ZNF492: variants seen among roughly 807,000 people sequenced by gnomAD.
ZNF492 encodes zinc finger protein 115 (Y20).
ZNF492 carries 3 observed loss-of-function variants against 6.4 expected under a neutral mutation model. The observed-to-expected ratio is 0.47, with a 90% CI of 0.21 to 1.22. The LOEUF (loss-of-function observed/expected upper bound fraction) is 1.22. Ranked by LOEUF, ZNF492 falls within the 50% of genes most tolerant of loss-of-function variation. ZNF492 has a pLI of 0.22. For missense variants in ZNF492, 356 were observed against 612.5 expected (o/e 0.58, Z 4.42); for synonymous variants, 112 against 205.3 (o/e 0.55, Z 3.89).
intron 3 of ZNF492, among the ~76,000 whole-genome samples, chr19:22,660,928 T>TCCCC (rs752853908): frequency 6.7e-6 from 1 of 149,778 alleles, no homozygotes; most frequent in East Asian, 2.0e-4. Context: ...TTTTTTTTTT[T>TCCCC]CCCCTCAGGA....
chr19:22,645,441 T>C (rs1897601), intron 1 of ZNF492, among the ~76,000 whole-genome samples: 12,344 of 152,194 alleles, frequency 0.081, 1,623 homozygotes, highest in African/African-American at 0.28. Context: ...GATGGGTAGA[T>C]TGTAAAATTT....
chr19:22,645,594 C>T (rs868004005), intron 1 of ZNF492, among the ~76,000 whole-genome samples: 5 of 152,056 alleles, frequency 3.3e-5, no homozygotes, highest in Admixed American at 6.6e-5. Flanking sequence ...AAGTCTTTGC[C>T]GATGCCTATG....
intron 3 of ZNF492, among the ~76,000 whole-genome samples, chr19:22,659,577 C>G (rs140940319): frequency 0.011 from 1,668 of 150,310 alleles, 18 homozygotes; most frequent in Non-Finnish European, 0.019. Context: ...CACACACACA[C>G]ACACACACAC....
chr19:22,648,380 T>C (rs1971905559), intron 1 of ZNF492, among the ~76,000 whole-genome samples: 1 of 152,198 alleles, frequency 6.6e-6, no homozygotes, highest in South Asian at 2.1e-4. Context: ...TGTGGTTGAT[T>C]TTAGAAAAGT....
intron 1 of ZNF492, among the ~76,000 whole-genome samples, chr19:22,650,393 G>A (rs1415058739): frequency 6.6e-6 from 1 of 151,610 alleles, no homozygotes; most frequent in Non-Finnish European, 1.5e-5. Context: ...TCACCCAGTT[G>A]GGTGGCATGA....
At chr19:22,656,885 C>T (rs1972002027) in intron 3 of ZNF492, among the ~76,000 whole-genome samples, 2 of 152,120 alleles carry the variant, frequency 1.3e-5, no homozygotes, top group Non-Finnish European at 2.9e-5. Flanking sequence ...GTTCTTGCTA[C>T]ATAACCCAGG....
rs1391741842 is a variant in ZNF492, at chr19:22,664,898, C to T, written c.1229C>T (p.Thr410Ile). Residue 410 changes from threonine to isoleucine, a missense_variant, in exon 4 of 4, where the codon ACA becomes ATA. Physicochemically the swap from Thr to Ile is moderately conservative, Grantham distance 89 (BLOSUM62 -1). Transcript: ENST00000456783. ...KAFNLSSQLTTHKIIHTGEKP... is the reference protein window; with the variant it reads ...KAFNLSSQLTIHKIIHTGEKP... The stretch of plus-strand genomic sequence containing the variant: ...TTTAACCTATCGTCACAACTTACTA[C>T]ACATAAGATAATTCATACTGGAGAG... 6 of 1,609,768 alleles carry T rather than the reference C, an allele frequency of 3.7e-6. No homozygotes were observed. The highest frequency in any genetic ancestry group is 3.4e-5 in the Admixed American group (2 of 59,570).
chr19:22,653,117 ACT>A (rs1300287983), intron 1 of ZNF492, among the ~76,000 whole-genome samples, 188 bp from the exon 2 acceptor site: 1 of 151,106 alleles, frequency 6.6e-6, no homozygotes, highest in African/African-American at 2.5e-5. Flanking sequence ...ATCTTATGCC[ACT>A]CTCTTTTCTC....
In ZNF492 at chr19:22,665,348, A is replaced by G. The variant is rs535099773; in HGVS notation, c.*83A>G. On this transcript the variant is annotated 3_prime_UTR_variant, in exon 4 of 4. Transcript: ENST00000456783. ...GTAATTCATTCTGGAGAAAACTTCTACAAGTGTGAATGAACAGTGTGGCAA... is the reference window on the plus strand; with the variant it reads ...GTAATTCATTCTGGAGAAAACTTCTGCAAGTGTGAATGAACAGTGTGGCAA... 10 of 1,499,378 alleles carry G rather than the reference A, an allele frequency of 6.7e-6. No homozygotes were observed. The highest frequency in any genetic ancestry group is 4.1e-5 in the South Asian group (3 of 72,434). The allele number at this position is 1,499,378 out of a possible 1,614,324, so 92.9% of individuals were successfully genotyped here. A position where few individuals can be genotyped will look rare whatever the true frequency, so the allele number is the denominator to read the frequency against.
intron 1 of ZNF492, among the ~76,000 whole-genome samples, chr19:22,639,575 T>C (rs1294691670): frequency 6.6e-6 from 1 of 151,788 alleles, no homozygotes; most frequent in Non-Finnish European, 1.5e-5. Flanking sequence ...CCGGGCGTGG[T>C]GGCGCATACC....
chr19:22,654,923 G>GT (rs960724299), intron 3 of ZNF492, among the ~76,000 whole-genome samples: 1 of 149,264 alleles, frequency 6.7e-6, no homozygotes, highest in Non-Finnish European at 1.5e-5. Context: ...TTCTATTGCT[G>GT]TAAAAAAAAA....
rs1347734030 is a variant in ZNF492, at chr19:22,658,112, C to T, written c.130+4097C>T. Among the ~76,000 whole-genome samples, 4 of 152,176 alleles carry T rather than the reference C, an allele frequency of 2.6e-5. No homozygotes were observed. The East Asian group carries it at 5.8e-4, about 22-fold the overall frequency. ...AAACATATAACCTAAAATTTACCAC[C>T]TTAAATCTATTTAAATGTACATTTC... On this transcript the variant is annotated intron_variant, in intron 3 of 3. Coordinates refer to ENST00000456783, the MANE Select transcript of ZNF492 (RefSeq NM_020855.3).
intron 1 of ZNF492, among the ~76,000 whole-genome samples, chr19:22,649,184 A>G (rs4933019): frequency 0.11 from 16,985 of 152,152 alleles, 998 homozygotes; most frequent in East Asian, 0.16. Flanking sequence ...TTTTCTACTC[A>G]TGCAGCTTAG....
In ZNF492 at chr19:22,667,193, A is replaced by G. The variant is rs940292311; in HGVS notation, c.*1928A>G. 2.0e-5 allele frequency: 3 copies of G among 152,214 alleles called. No homozygotes were observed. The highest frequency in any genetic ancestry group is 7.2e-5 in the African/African-American group (3 of 41,442). 9.4% of individuals were successfully genotyped at this position (152,214 alleles called of 1,614,324 possible). A position where few individuals can be genotyped will look rare whatever the true frequency, so the allele number is the denominator to read the frequency against. ...CGGTGAGCCGAGATCATGCCATGGC[A>G]CTCCGTCCTGGGTGACAAAGTGAGA... On this transcript the variant is annotated 3_prime_UTR_variant, in exon 4 of 4. Coordinates refer to ENST00000456783, the MANE Select transcript of ZNF492 (RefSeq NM_020855.3).
rs905737106 is a variant in ZNF492 at position 22,665,796 on chromosome 19, T to A, written c.*531T>A. The stretch of plus-strand genomic sequence containing the variant: ...AGGTTAGAAAATTCCAGAGAGTTCA[T>A]ATTAAAATATTTTTGCATATACAGT... On this transcript the variant is annotated 3_prime_UTR_variant, in exon 4 of 4. Coordinates refer to ENST00000456783, the MANE Select transcript of ZNF492 (RefSeq NM_020855.3). 1 of 153,708 alleles carries A rather than the reference T, an allele frequency of 6.5e-6. No homozygotes were observed. The highest frequency in any genetic ancestry group is 2.4e-5 in the African/African-American group (1 of 41,468). 9.5% of individuals were successfully genotyped at this position (153,708 alleles called of 1,614,324 possible).
chr19:22,644,167 C>T (rs1971855071), intron 1 of ZNF492, among the ~76,000 whole-genome samples: 1 of 152,056 alleles, frequency 6.6e-6, no homozygotes, highest in Admixed American at 6.6e-5. Flanking sequence ...GTAATTTGTC[C>T]AGAGAATCTT....
At chr19:22,662,744 G>C (rs913514178) in intron 3 of ZNF492, among the ~76,000 whole-genome samples, 9 of 151,520 alleles carry the variant, frequency 5.9e-5, no homozygotes, top group African/African-American at 2.2e-4. Context: ...TTTGAGAAGT[G>C]TCTGTTCACA....
At position 22,634,488 on chromosome 19, in the gene ZNF492, G is replaced by T; in HGVS notation, c.-94+14G>T. 7.2e-7 allele frequency: 1 copy of T among 1,381,324 alleles called. No homozygotes were observed. Among genetic ancestry groups the T allele is most frequent in the Admixed American group, 1.7e-5 (1 of 58,258 alleles). 85.6% of individuals were successfully genotyped at this position (1,381,324 alleles called of 1,614,324 possible). On this transcript the variant is annotated intron_variant, in intron 1 of 3. Coordinates refer to ENST00000456783, the MANE Select transcript of ZNF492 (RefSeq NM_020855.3). Reference sequence around the variant, plus strand: ...AGCCTAGAAACGGTGAGAGTGCCGGGTCCGACATCCCGAGAGAGGGGAAGG... The same window carrying T: ...AGCCTAGAAACGGTGAGAGTGCCGGTTCCGACATCCCGAGAGAGGGGAAGG...
intron 3 of ZNF492, among the ~76,000 whole-genome samples, chr19:22,659,037 C>T (rs1012782857): frequency 1.7e-4 from 26 of 151,912 alleles, no homozygotes; most frequent in African/African-American, 6.3e-4. Flanking sequence ...TCTGTTTCTT[C>T]AAAAATGCAG....
Sources: allele counts gnomAD v4.1 joint callset (sites outside exome capture counted in the v4.1 genomes callset), GRCh38; gene constraint gnomAD v4.1.1; transcripts MANE v1.5; gene names NCBI Gene and HGNC (gene_info 2026-07-23, HGNC 2026-07-21).